The following TNRC6B variants were observed in gnomAD, a reference collection of about 807,000 sequenced individuals.
The protein encoded by TNRC6B is trinucleotide repeat-containing gene 6B protein.
Under a neutral mutation model 203.6 loss-of-function variants are expected in TNRC6B, and 52 were observed. The ratio of observed to expected loss-of-function variants is 0.26; its 90% CI spans 0.20 to 0.32. TNRC6B has a LOEUF of 0.32. TNRC6B is among the 10% of genes least tolerant of loss of function. TNRC6B has a pLI of 1.00. For missense variants in TNRC6B, 1,923 were observed against 2,286.2 expected (o/e 0.84, Z 3.24); for synonymous variants, 838 against 845.7 (o/e 0.99, Z 0.16).
chr22:40,179,568 G>A (rs891270797), intron 1 of TNRC6B, among the ~76,000 whole-genome samples: 1 of 152,050 alleles, frequency 6.6e-6, no homozygotes, highest in Non-Finnish European at 1.5e-5. Context: ...ATGTAGACGT[G>A]GATTAAAGCT....
At chr22:40,190,052 T>G (rs188255904) in intron 1 of TNRC6B, among the ~76,000 whole-genome samples, 1 of 152,340 alleles carries the variant, frequency 6.6e-6, no homozygotes, top group East Asian at 1.9e-4. Flanking sequence ...GGGAACCACA[T>G]CCTAATTATA....
At chr22:40,174,773 C>T (rs1195606460), upstream of TNRC6B, among the ~76,000 whole-genome samples, 2 of 148,364 alleles carry the variant, frequency 1.3e-5, no homozygotes, top group East Asian at 2.0e-4. Flanking sequence ...TGCAGTAAGC[C>T]GAGATAGCAC....
chr22:40,317,767 A>G (rs2071278616), intron 21 of TNRC6B, among the ~76,000 whole-genome samples: 1 of 152,222 alleles, frequency 6.6e-6, no homozygotes, highest in Non-Finnish European at 1.5e-5. Flanking sequence ...GTATTTGCAG[A>G]AGCATTATGT....
At chr22:40,162,383 C>A (rs547103185) in intron 4 of TNRC6B, among the ~76,000 whole-genome samples, 1 of 152,136 alleles carries the variant, frequency 6.6e-6, no homozygotes, top group Non-Finnish European at 1.5e-5. Context: ...CGTGAGCCAC[C>A]GCACCCGGTT....
At chr22:40,137,190 G>A (rs2068607336) in intron 3 of TNRC6B, among the ~76,000 whole-genome samples, 2 of 152,188 alleles carry the variant, frequency 1.3e-5, no homozygotes, top group Admixed American at 1.3e-4. Flanking sequence ...CAGAGCTTAG[G>A]ATATCTCTAC....
intron 2 of TNRC6B, among the ~76,000 whole-genome samples, chr22:40,247,931 C>T (rs2070131228): frequency 6.6e-6 from 1 of 152,036 alleles, no homozygotes; most frequent in African/African-American, 2.4e-5. Flanking sequence ...AAAAATTAGC[C>T]GAGTGTGGTG....
exon 2 of TNRC6B, chr22:40,117,055 G>C (rs549114399): frequency 2.0e-5 from 3 of 152,484 alleles, no homozygotes; most frequent in South Asian, 2.1e-4. Flanking sequence ...CTCTTTTCAG[G>C]GTTGTGGTTT....
chr22:40,047,095 A>G (rs767228132), intron 1 of TNRC6B, among the ~76,000 whole-genome samples: 1 of 152,122 alleles, frequency 6.6e-6, no homozygotes, highest in Non-Finnish European at 1.5e-5. Context: ...TATCGTTACT[A>G]TACTATGAAT....
intron 1 of TNRC6B, among the ~76,000 whole-genome samples, chr22:40,181,337 G>C (rs1391135894): frequency 6.6e-6 from 1 of 152,026 alleles, no homozygotes; most frequent in Non-Finnish European, 1.5e-5. Context: ...AGGAATAAGG[G>C]TGGTCCTCAC....
intron 3 of TNRC6B, among the ~76,000 whole-genome samples, chr22:40,155,182 T>C (rs2068808682): frequency 1.3e-5 from 2 of 152,098 alleles, no homozygotes. Flanking sequence ...ATAAATACTT[T>C]TGTATATGTG....
intron 1 of TNRC6B, among the ~76,000 whole-genome samples, chr22:40,064,897 G>A (rs971635191): frequency 6.6e-6 from 1 of 152,000 alleles, no homozygotes; most frequent in Admixed American, 6.5e-5. Context: ...GATTACAGGC[G>A]TGAGCCACTG....
At chr22:40,129,956 T>G (rs145991964) in intron 3 of TNRC6B, among the ~76,000 whole-genome samples, 1 of 152,364 alleles carries the variant, frequency 6.6e-6, no homozygotes, top group African/African-American at 2.4e-5. Context: ...GGGTGCCATT[T>G]AATTGGAGTA....
rs756923948 is a variant in TNRC6B, at chr22:40,310,904, C to T, written c.4346C>T (p.Thr1449Met). The change falls in exon 17 of 23, where the codon ACG becomes ATG. Residue 1449 changes from threonine (T) to methionine (M), a missense_variant. Thr to Met is a moderately conservative substitution (Grantham distance 81). Around this residue, in one of 8 missense-constraint regions of TNRC6B, gnomAD observed 242 missense variants for 399.5 expected, o/e 0.61. Transcript: ENST00000454349. ...CCTGGTGACACACTGGGTGGCCATA[C>T]GGGTCCTGCTGGTGATAGCTGGTTA... ...IIPGDTLGGHTGPAGDSWLPA... is the reference protein window; with the variant it reads ...IIPGDTLGGHMGPAGDSWLPA... The T allele has an allele frequency of 1.4e-5, 22 of 1,611,312 alleles. No homozygotes were observed. The highest frequency in any genetic ancestry group is 5.5e-5 in the South Asian group (5 of 90,586).
In TNRC6B at chr22:40,261,903, C is replaced by A; in HGVS notation, c.187C>A (p.Pro63Thr). 6.2e-7 allele frequency: 1 copy of A among 1,603,894 alleles called. No individual in the cohort carries two copies. Among genetic ancestry groups the A allele is most frequent in the Non-Finnish European group, 8.5e-7 (1 of 1,171,802 alleles). ...CCCAATTGGCAGCTCTCCATCGCCACCAGTCAATGGTGGCAACAATGCCAA... is the reference window on the plus strand; with the variant it reads ...CCCAATTGGCAGCTCTCCATCGCCAACAGTCAATGGTGGCAACAATGCCAA... ...ASPIGSSPSP[P>T]VNGGNNAKRV... The change falls in exon 4 of 23, where the codon CCA (proline) becomes ACA (threonine). Residue 63 changes from proline to threonine, a missense_variant. By Grantham distance (38) the Pro-to-Thr change is conservative. Transcript: ENST00000454349.
intron 4 of TNRC6B, 76 bp downstream of exon 4, chr22:40,262,249 G>C (rs1333119711): frequency 2.0e-5 from 25 of 1,271,798 alleles, no homozygotes; most frequent in Admixed American, 1.9e-4. Context: ...TTGATGTAAA[G>C]TCCAGGAAAG....
At chr22:40,160,444 C>G (rs1462559274) in intron 4 of TNRC6B, among the ~76,000 whole-genome samples, 2 of 141,390 alleles carry the variant, frequency 1.4e-5, no homozygotes, top group Non-Finnish European at 3.0e-5. Context: ...CCATTGCACT[C>G]CAGCCTGGGC....
chr22:40,086,165 T>C (rs1389283567), intron 1 of TNRC6B, among the ~76,000 whole-genome samples: 1 of 152,148 alleles, frequency 6.6e-6, no homozygotes, highest in Non-Finnish European at 1.5e-5. Flanking sequence ...GCCACCATGC[T>C]TGGCCAGAAA....
At chr22:40,122,357 C>T (rs1027477965) in intron 2 of TNRC6B, among the ~76,000 whole-genome samples, 6 of 151,784 alleles carry the variant, frequency 4.0e-5, no homozygotes, top group Non-Finnish European at 8.8e-5. Flanking sequence ...GCAGAGGGGC[C>T]GGGCTTAAAA....
chr22:40,205,407 G>A (rs542451010), intron 1 of TNRC6B, among the ~76,000 whole-genome samples: 44 of 152,278 alleles, frequency 2.9e-4, no homozygotes, highest in African/African-American at 1.0e-3. Flanking sequence ...TGCTGATTCT[G>A]TGGCTTATAG....
Sources: allele counts gnomAD v4.1 joint callset (sites outside exome capture counted in the v4.1 genomes callset), GRCh38; gene constraint gnomAD v4.1.1; regional missense constraint gnomAD v4.1.1; transcripts MANE v1.5; gene names NCBI Gene and HGNC (gene_info 2026-07-23, HGNC 2026-07-21).